STIP1: variants seen among roughly 807,000 people sequenced by gnomAD.
The protein encoded by STIP1 is stress-induced-phosphoprotein 1.
A neutral mutation model predicts 77.4 loss-of-function variants in STIP1; 16 were observed. That is an observed-to-expected ratio of 0.21 (90% confidence interval 0.14 to 0.31). The LOEUF (loss-of-function observed/expected upper bound fraction) is 0.31, where lower values mean the gene tolerates loss of function less well. STIP1 is among the 10% of genes least tolerant of loss of function. STIP1 has a pLI of 1.00. For missense variants in STIP1, 524 were observed against 684.8 expected (o/e 0.77, Z 2.62); for synonymous variants, 258 against 246.6 (o/e 1.05, Z -0.44).
chr11:64,192,497 T>A (rs961744425), intron 1 of STIP1, among the ~76,000 whole-genome samples: 12 of 152,090 alleles, frequency 7.9e-5, no homozygotes, highest in African/African-American at 2.2e-4. Context: ...AATGAACATT[T>A]ATCTATCCTG....
intron 10 of STIP1, chr11:64,202,551 T>G: frequency 3.2e-6 from 1 of 313,860 alleles, no homozygotes. Context: ...CCCAGCGTTG[T>G]TTTGTTTTTT....
intron 8 of STIP1, among the ~76,000 whole-genome samples, chr11:64,199,498 C>T (rs1946190358): frequency 1.5e-5 from 2 of 131,120 alleles, no homozygotes; most frequent in Non-Finnish European, 3.2e-5. Context: ...CAGAGCGAGA[C>T]TCTATCTCAA....
rs141894379 is a variant in STIP1 at position 64,203,605 on chromosome 11, C to T, written c.1542C>T (p.Asp514=). The part of the protein sequence containing the change: ...MRLILEQMQK[D]PQALSEHLKN... ...TTATCCTGGAACAGATGCAGAAGGA[C>T]CCCCAGGCACTCAGCGAGTACGTAG... Residue 514 remains aspartate (D), a synonymous_variant, in exon 13 of 14, where the codon GAC becomes GAT. Transcript: ENST00000305218. 1.1e-5 allele frequency: 17 copies of T among 1,614,046 alleles called. No homozygotes were observed. The highest frequency in any genetic ancestry group is 8.3e-5 in the Admixed American group (5 of 59,994).
At chr11:64,191,102 G>C (rs370258538) in intron 1 of STIP1, among the ~76,000 whole-genome samples, 20 of 151,180 alleles carry the variant, frequency 1.3e-4, no homozygotes, top group African/African-American at 4.6e-4. Flanking sequence ...CAGGAGAATC[G>C]CTTGAACCTG....
chr11:64,195,928 G>A (rs1466753851), intron 5 of STIP1, 115 bp downstream of exon 5: 3 of 1,448,876 alleles, frequency 2.1e-6, no homozygotes, highest in Admixed American at 4.1e-5. Context: ...TTTTTTTAGA[G>A]ACGGAGTCTT....
In STIP1 at chr11:64,200,288, C is replaced by G; in HGVS notation, c.1240C>G (p.Leu414Val). 2.5e-6 allele frequency: 4 copies of G among 1,610,512 alleles called. No homozygotes were observed. The highest frequency in any genetic ancestry group is 3.4e-6 in the Non-Finnish European group (4 of 1,178,736). The stretch of plus-strand genomic sequence containing the variant: ...CAAACTCCTGGAGTTCCAGCTGGCA[C>G]TCAAGGTGACGAGACCTGTGGGGGC... ...YTKLLEFQLA[L>V]KDCEECIQLE... The change falls in exon 10 of 14, where the codon CTC (leucine) becomes GTC (valine). Residue 414 changes from leucine to valine, a missense_variant. Coordinates refer to ENST00000305218, the MANE Select transcript of STIP1 (RefSeq NM_006819.3).
chr11:64,203,228 G>C lies in STIP1; in HGVS notation c.1386G>C (p.Lys462Asn). The C allele has an allele frequency of 6.2e-7, 1 of 1,613,798 alleles. No homozygotes were observed. Among genetic ancestry groups the C allele is most frequent in the Non-Finnish European group, 8.5e-7 (1 of 1,180,044 alleles). ...CGCTAGACCTGGACTCCAGCTGTAA[G>C]GTGGGGCTGCTTCTGGCCTCCAGGG... ...QKALDLDSSC[K>N]EAADGYQRCM... The change falls in exon 12 of 14, where the codon AAG becomes AAC. Residue 462 changes from lysine (K) to asparagine (N), a missense_variant and splice_region_variant. Lys to Asn is a moderately conservative substitution (Grantham distance 94). Coordinates refer to ENST00000305218, the MANE Select transcript of STIP1 (RefSeq NM_006819.3).
intron 10 of STIP1, among the ~76,000 whole-genome samples, chr11:64,200,679 A>G (rs1299717662): frequency 6.6e-6 from 1 of 151,414 alleles, no homozygotes; most frequent in East Asian, 1.9e-4. Context: ...TGGAGTCACT[A>G]CTGGTTGGCA....
chr11:64,187,777 G>A (rs1329499329), intron 1 of STIP1, among the ~76,000 whole-genome samples: 1 of 152,098 alleles, frequency 6.6e-6, no homozygotes, highest in East Asian at 1.9e-4. Context: ...CGAGGCAGGC[G>A]GATCACGAGG....
intron 5 of STIP1, chr11:64,196,962 C>G: frequency 3.1e-6 from 1 of 318,826 alleles, no homozygotes; most frequent in South Asian, 3.5e-5. Flanking sequence ...GTCCAAAACT[C>G]TGCTGTCCTC....
intron 1 of STIP1, among the ~76,000 whole-genome samples, chr11:64,191,565 C>G (rs1239718740): frequency 6.6e-6 from 1 of 152,092 alleles, no homozygotes; most frequent in Non-Finnish European, 1.5e-5. Flanking sequence ...AAGATTGTGC[C>G]ACTACACTCC....
Position 64,204,446 on chromosome 11 carries a change from AGGGGAG to A in STIP1, c.*325_*330del. 2.9e-6 allele frequency: 1 copy of A among 350,150 alleles called. No individual in the cohort carries two copies. The highest frequency in any genetic ancestry group is 5.2e-6 in the Non-Finnish European group (1 of 193,416). 21.7% of individuals were successfully genotyped at this position (350,150 alleles called of 1,614,324 possible). A position where few individuals can be genotyped will look rare whatever the true frequency, so the allele number is the denominator to read the frequency against. ...TTGGGGCAGTGGGCATGTTATGGGG[AGGGGAG>A]GGGGTTCTTCCAGCCTCAGGTCCCA... On this transcript the variant is annotated 3_prime_UTR_variant, in exon 14 of 14. Transcript: ENST00000305218.
Position 64,195,831 on chromosome 11 carries a change from CCTCA to C in STIP1, c.672+21_672+24del. The C allele has an allele frequency of 6.2e-7, 1 of 1,613,906 alleles. No individual in the cohort carries two copies. Among genetic ancestry groups the C allele is most frequent in the Non-Finnish European group, 8.5e-7 (1 of 1,179,922 alleles). The stretch of plus-strand genomic sequence containing the variant: ...AGAAGCAGGTCTTGTTTTTTTCTCT[CCTCA>C]CTGTCACCTATCTATAAACAACTAG... On this transcript the variant is annotated intron_variant, in intron 5 of 13. Coordinates refer to ENST00000305218, the MANE Select transcript of STIP1 (RefSeq NM_006819.3).
chr11:64,194,004 T>C (rs963407346), intron 2 of STIP1, among the ~76,000 whole-genome samples, 185 bp from the exon 3 acceptor site: 1 of 152,244 alleles, frequency 6.6e-6, no homozygotes, highest in East Asian at 1.9e-4. Flanking sequence ...GTGCCTCTGC[T>C]ATTTGGATGG....
At position 64,204,324 on chromosome 11, in the gene STIP1, G is replaced by T. The variant is rs1176651850; in HGVS notation, c.*198G>T. ...CTGCCTCTGGGCCCTCCCAGCACAC[G>T]CATGGTCTCTTCACCGCTGCCCTCG... On this transcript the variant is annotated 3_prime_UTR_variant, in exon 14 of 14. Coordinates refer to ENST00000305218, the MANE Select transcript of STIP1 (RefSeq NM_006819.3). 6.8e-6 allele frequency: 4 copies of T among 584,884 alleles called. No individual in the cohort carries two copies. Among genetic ancestry groups the T allele is most frequent in the Admixed American group, 6.7e-5 (2 of 29,696 alleles). The allele number at this position is 584,884 out of a possible 1,614,324, so 36.2% of individuals were successfully genotyped here. A position where few individuals can be genotyped will look rare whatever the true frequency, so the allele number is the denominator to read the frequency against.
intron 3 of STIP1, 29 bp downstream of exon 3, chr11:64,194,359 A>G: frequency 6.2e-7 from 1 of 1,611,700 alleles, no homozygotes; most frequent in African/African-American, 1.3e-5. Flanking sequence ...TTTCTTTCTT[A>G]TTATTAATGT....
intron 1 of STIP1, among the ~76,000 whole-genome samples, chr11:64,189,774 CTGTT>C (rs1408356221): frequency 1.3e-5 from 2 of 152,160 alleles, no homozygotes; most frequent in African/African-American, 2.4e-5. Context: ...GATCAGTACT[CTGTT>C]TGAAAAATGC....
intron 1 of STIP1, among the ~76,000 whole-genome samples, chr11:64,192,187 G>A (rs981759873): frequency 4.6e-5 from 7 of 152,110 alleles, no homozygotes; most frequent in South Asian, 4.1e-4. Context: ...GGGGGTGTGC[G>A]CCTGTAGTCC....
rs1408992037 is a variant in STIP1 at position 64,204,238 on chromosome 11, A to G, written c.*112A>G. On this transcript the variant is annotated 3_prime_UTR_variant, in exon 14 of 14. Transcript: ENST00000305218. ...AGGGGAGAGAAGGCCTCATCTCTCT[A>G]TATTTATACATAACCCCGGGGAAGA... 7 of 1,034,178 alleles carry G rather than the reference A, an allele frequency of 6.8e-6. No homozygotes were observed. Among genetic ancestry groups the G allele is most frequent in the African/African-American group, 3.2e-5 (2 of 62,304 alleles). The allele number at this position is 1,034,178 out of a possible 1,614,324, so 64.1% of individuals were successfully genotyped here.
Sources: gnomAD v4.1 joint callset for allele counts (sites outside exome capture counted in the v4.1 genomes callset) on GRCh38, gnomAD v4.1.1 for gene constraint, MANE v1.5 for transcripts, NCBI Gene and HGNC (gene_info 2026-07-23, HGNC 2026-07-21) for gene names.